Variants in VAT1L observed in about 807,000 individuals in gnomAD.
VAT1L encodes the protein putative NADPH-dependent quinone oxidoreductase VAT1L.
Under a neutral mutation model 44.1 loss-of-function variants are expected in VAT1L, and 34 were observed. The ratio of observed to expected loss-of-function variants is 0.77; its 90% CI spans 0.59 to 1.03. The LOEUF is 1.03. Ranked by LOEUF, VAT1L falls within the 50% of genes least tolerant of loss-of-function variation. VAT1L has a pLI of 0.00. For missense variants in VAT1L, 615 were observed against 538.8 expected (o/e 1.14, Z -1.40); for synonymous variants, 253 against 202.2 (o/e 1.25, Z -2.13).
intron 7 of VAT1L, among the ~76,000 whole-genome samples, chr16:77,890,415 G>T (rs1388959958): frequency 6.6e-6 from 1 of 152,080 alleles, no homozygotes; most frequent in Non-Finnish European, 1.5e-5. Context: ...TGGGTAGGGG[G>T]ATTGCTGTTG....
At chr16:77,911,534 C>T (rs1036518064) in intron 7 of VAT1L, among the ~76,000 whole-genome samples, 1 of 152,192 alleles carries the variant, frequency 6.6e-6, no homozygotes, top group East Asian at 1.9e-4. Flanking sequence ...TAGGCCTATC[C>T]AAGACTTCAG....
intron 7 of VAT1L, among the ~76,000 whole-genome samples, chr16:77,969,135 A>C (rs533113163): frequency 6.6e-6 from 1 of 152,272 alleles, no homozygotes; most frequent in African/African-American, 2.4e-5. Flanking sequence ...TATTATCTTT[A>C]AAGCAAAATT....
intron 7 of VAT1L, among the ~76,000 whole-genome samples, chr16:77,931,921 G>T (rs986653752): frequency 1.3e-5 from 2 of 152,108 alleles, no homozygotes; most frequent in African/African-American, 4.8e-5. Context: ...TGAAAACATT[G>T]TATCTTTACT....
chr16:77,901,901 G>A (rs540183859), intron 7 of VAT1L, among the ~76,000 whole-genome samples: 1 of 152,160 alleles, frequency 6.6e-6, no homozygotes, highest in Non-Finnish European at 1.5e-5. Flanking sequence ...CTGTTTCTCA[G>A]GATAATTTTC....
At chr16:77,836,479 A>T (rs1199202513) in intron 3 of VAT1L, among the ~76,000 whole-genome samples, 3 of 152,194 alleles carry the variant, frequency 2.0e-5, no homozygotes, top group Admixed American at 2.0e-4. Context: ...AGGAAGGGCT[A>T]TGGCTGGGGA....
Position 77,903,837 on chromosome 16 carries a change from T to G in VAT1L, c.1077+19035T>G, listed in dbSNP as rs372480129. On this transcript the variant is annotated intron_variant, in intron 7 of 8. Transcript: ENST00000302536. ...CTGCAAGCTCCGCCTCCTGGGTTCATGCCATTCTCCTGCCTCAGCCTCCCG... is the reference window on the plus strand; with the variant it reads ...CTGCAAGCTCCGCCTCCTGGGTTCAGGCCATTCTCCTGCCTCAGCCTCCCG... Among the ~76,000 whole-genome samples the G allele has an allele frequency of 2.7e-4, 41 of 150,698 alleles. No individual in the cohort carries two copies. In the East Asian group the frequency reaches 7.1e-3, roughly 26 times the overall value.
chr16:77,879,198 A>G lies in VAT1L; in HGVS notation c.856A>G (p.Lys286Glu). The G allele has an allele frequency of 6.2e-7, 1 of 1,614,210 alleles. No homozygotes were observed. The highest frequency in any genetic ancestry group is 8.5e-7 in the Non-Finnish European group (1 of 1,180,028). The change falls in exon 6 of 9, where the codon AAG becomes GAG. Residue 286 changes from lysine (K) to glutamate (E), a missense_variant. Coordinates refer to ENST00000302536, the MANE Select transcript of VAT1L (RefSeq NM_020927.3). The surrounding 1 kb of genome is among the most constrained non-coding windows in gnomAD (Gnocchi z 4.1). ...GSSNMVTGETKSFFSFAKSWW... is the reference protein window; with the variant it reads ...GSSNMVTGETESFFSFAKSWW... ...ATCCAACATGGTAACTGGAGAGACC[A>G]AGAGCTTCTTCAGCTTTGCAAAATC...
intron 7 of VAT1L, among the ~76,000 whole-genome samples, chr16:77,960,752 C>T (rs563313929): frequency 4.6e-5 from 7 of 152,204 alleles, no homozygotes; most frequent in African/African-American, 1.7e-4. Flanking sequence ...CCCAAGGTTG[C>T]AGCCCAGGAC....
At chr16:77,808,819 A>C (rs919067032) in intron 1 of VAT1L, among the ~76,000 whole-genome samples, 1 of 151,422 alleles carries the variant, frequency 6.6e-6, no homozygotes, top group Non-Finnish European at 1.5e-5. Flanking sequence ...CTGGTCTTGA[A>C]CTCCCGACCT....
chr16:77,810,420 A>T (rs370777485), intron 1 of VAT1L, among the ~76,000 whole-genome samples: 6 of 152,322 alleles, frequency 3.9e-5, no homozygotes, highest in African/African-American at 1.4e-4. Flanking sequence ...ACCATTCACA[A>T]TACTACTAAC....
chr16:77,850,304 G>C (rs2016795582), intron 3 of VAT1L, among the ~76,000 whole-genome samples: 3 of 152,130 alleles, frequency 2.0e-5, no homozygotes, highest in Admixed American at 1.3e-4. Context: ...ATGGTAACCT[G>C]GTGAGGTAGG....
At chr16:77,892,996 G>A (rs556135340) in intron 7 of VAT1L, 46 of 651,032 alleles carry the variant, frequency 7.1e-5, no homozygotes, top group East Asian at 5.9e-4. Flanking sequence ...CCATTTGCTC[G>A]CAGTATCCTA....
intron 1 of VAT1L, among the ~76,000 whole-genome samples, chr16:77,812,975 C>CT (rs1172243146): frequency 1.3e-5 from 2 of 152,014 alleles, no homozygotes; most frequent in African/African-American, 4.8e-5. Flanking sequence ...AACACTATTT[C>CT]TTTTTTTGCA....
intron 7 of VAT1L, among the ~76,000 whole-genome samples, chr16:77,925,259 CT>C (rs2017653656): frequency 6.6e-6 from 1 of 152,106 alleles, no homozygotes; most frequent in African/African-American, 2.4e-5. Flanking sequence ...TTTACACCCC[CT>C]GGTCTTTCTC....
intron 7 of VAT1L, among the ~76,000 whole-genome samples, chr16:77,911,148 A>C (rs2017495718): frequency 6.6e-6 from 1 of 152,202 alleles, no homozygotes; most frequent in Non-Finnish European, 1.5e-5. Context: ...TTCAAACCAG[A>C]ATCCTAGCTG....
rs181838291 is a variant in VAT1L, at chr16:77,969,792, G to C, written c.1078-2058G>C. ...TCTGCTACAATATATGAAGATTCCC[G>C]GTGGGCAGTAGCTATAATGAACAAA... On this transcript the variant is annotated intron_variant, in intron 7 of 8. Coordinates refer to ENST00000302536, the MANE Select transcript of VAT1L (RefSeq NM_020927.3). Among the ~76,000 whole-genome samples the C allele has an allele frequency of 4.1e-3, 623 of 152,088 alleles. 6 individuals are homozygous for C. The highest frequency in any genetic ancestry group is 5.6e-3 in the Non-Finnish European group (380 of 67,994).
Position 77,964,779 on chromosome 16 carries a change from C to CTTTTT in VAT1L, c.1078-7043_1078-7039dup, listed in dbSNP as rs10566511. ...AACACTGCTCACGCCCTTTGTAGCA[C>CTTTTT]TTTTTTTTTTTTTTTTTTTTTTTTT... On this transcript the variant is annotated intron_variant, in intron 7 of 8. Coordinates refer to ENST00000302536, the MANE Select transcript of VAT1L (RefSeq NM_020927.3). Among the ~76,000 whole-genome samples the CTTTTT allele has an allele frequency of 2.7e-4, 25 of 91,878 alleles. 1 individual carries two copies. In the East Asian group the frequency reaches 5.4e-3, roughly 20 times the overall value. 60.3% of individuals were successfully genotyped at this position (91,878 alleles called of 152,430 possible). A position where few individuals can be genotyped will look rare whatever the true frequency, so the allele number is the denominator to read the frequency against.
intron 8 of VAT1L, among the ~76,000 whole-genome samples, chr16:77,975,296 G>A (rs12929299): frequency 0.21 from 29,473 of 139,148 alleles, 3,110 homozygotes; most frequent in Admixed American, 0.3. Flanking sequence ...TGCAACCTTC[G>A]CCTTCCGGGT....
chr16:77,877,602 A>G (rs2017103791), intron 5 of VAT1L, among the ~76,000 whole-genome samples: 1 of 151,986 alleles, frequency 6.6e-6, no homozygotes, highest in African/African-American at 2.4e-5. Context: ...CATAATCTGA[A>G]GCAAAATAAT....
Sources: allele counts gnomAD v4.1 joint callset (sites outside exome capture counted in the v4.1 genomes callset), GRCh38; gene constraint gnomAD v4.1.1; non-coding constraint Gnocchi (gnomAD v3.1); transcripts MANE v1.5; gene names NCBI Gene and HGNC (gene_info 2026-07-23, HGNC 2026-07-21).